ELMO2: variants seen among roughly 807,000 people sequenced by gnomAD.
ELMO2 encodes the protein engulfment and cell motility protein 2.
A neutral mutation model predicts 96.2 loss-of-function variants in ELMO2; 37 were observed. That is an observed-to-expected ratio of 0.38 (90% CI 0.30 to 0.51). ELMO2 has a LOEUF of 0.51. Among genes scored for constraint, ELMO2 ranks in the 20% least tolerant of loss-of-function variants. The pLI, the probability that ELMO2 is intolerant of heterozygous loss-of-function variation, is 0.88. For synonymous variants in ELMO2, 315 were observed against 329.4 expected (o/e 0.96, Z 0.47); for missense variants, 561 against 912.6 (o/e 0.61, Z 4.96).
intron 1 of ELMO2, among the ~76,000 whole-genome samples, chr20:46,399,753 A>G (rs2060305273): frequency 6.6e-6 from 1 of 152,012 alleles, no homozygotes; most frequent in Non-Finnish European, 1.5e-5. Flanking sequence ...GATTTCTTCC[A>G]CTCCTGTGAA....
chr20:46,382,409 C>T (rs560606600), intron 10 of ELMO2, among the ~76,000 whole-genome samples: 2 of 152,322 alleles, frequency 1.3e-5, no homozygotes, highest in East Asian at 3.9e-4. Context: ...CTACCAAGAG[C>T]TGGGTACATA....
In ELMO2 at chr20:46,371,882, G is replaced by C. The variant is rs1269026869; in HGVS notation, c.1504C>G (p.Leu502Val). 1.2e-6 allele frequency: 2 copies of C among 1,614,224 alleles called. No homozygotes were observed. The highest frequency in any genetic ancestry group is 1.7e-5 in the Admixed American group (1 of 60,028). Reference sequence around the variant, plus strand: ...AGTCGTAGAATCTCAGAGTAACTCAGGCTACGCAATTTGCTCTTGAACTGA... The same window carrying C: ...AGTCGTAGAATCTCAGAGTAACTCACGCTACGCAATTTGCTCTTGAACTGA... ...LDQFKSKLRSLSYSEILRLRQ... is the reference protein window; with the variant it reads ...LDQFKSKLRSVSYSEILRLRQ... The change falls in exon 17 of 22, where the codon CTG becomes GTG. Residue 502 changes from leucine (L) to valine (V), a missense_variant. Leu to Val is a conservative substitution (Grantham distance 32). Coordinates refer to ENST00000290246, the MANE Select transcript of ELMO2 (RefSeq NM_133171.5). The surrounding 1 kb of genome is among the most constrained non-coding windows in gnomAD (Gnocchi z 5.9).
At position 46,368,982 on chromosome 20, in the gene ELMO2, G is replaced by T. The variant is rs745491455; in HGVS notation, c.1885-14C>A. 1.5e-5 allele frequency: 24 copies of T among 1,613,670 alleles called. No individual in the cohort carries two copies. The highest frequency in any genetic ancestry group is 1.7e-5 in the Non-Finnish European group (20 of 1,179,746). On this transcript the variant is annotated splice_polypyrimidine_tract_variant and intron_variant, in intron 20 of 21. Transcript: ENST00000290246. ...TTCCAACACCTCCTGAAGGAGAAAG[G>T]GTTTAAATTAGAGCGATGGAACAGC...
At chr20:46,382,359 C>T (rs2059972520) in intron 10 of ELMO2, 1 of 923,346 alleles carries the variant, frequency 1.1e-6, no homozygotes, top group African/African-American at 1.7e-5. Flanking sequence ...AAGACAAGGA[C>T]AGACAGAACC....
At chr20:46,392,333 C>T (rs58063120) in intron 6 of ELMO2, among the ~76,000 whole-genome samples, 1 of 152,126 alleles carries the variant, frequency 6.6e-6, no homozygotes, top group Non-Finnish European at 1.5e-5. Context: ...TATCACCATA[C>T]TCATAAAGCT....
rs767551212 is a variant in ELMO2 at position 46,371,788 on chromosome 20, C to T, written c.1580+18G>A. Reference sequence around the variant, plus strand: ...GGCAGCCACCTCCCCCGCCAGCCTCCCCTGAGATGGAACTTACACAATTGG... The same window carrying T: ...GGCAGCCACCTCCCCCGCCAGCCTCTCCTGAGATGGAACTTACACAATTGG... On this transcript the variant is annotated intron_variant, in intron 17 of 21. Coordinates refer to ENST00000290246, the MANE Select transcript of ELMO2 (RefSeq NM_133171.5). The surrounding 1 kb of genome is among the most constrained non-coding windows in gnomAD (Gnocchi z 5.9). 2 of 1,614,016 alleles carry T rather than the reference C, an allele frequency of 1.2e-6. No homozygotes were observed. Among genetic ancestry groups the T allele is most frequent in the East Asian group, 2.2e-5 (1 of 44,884 alleles).
In ELMO2 at chr20:46,374,450, G is replaced by A. The variant is rs767181447; in HGVS notation, c.1171-10C>T. ...TGTTCTCCAAGACAATCTGTCGGGGGAAGAGAAAGGGAGGATTAGGGAGAT... is the reference window on the plus strand; with the variant it reads ...TGTTCTCCAAGACAATCTGTCGGGGAAAGAGAAAGGGAGGATTAGGGAGAT... On this transcript the variant is annotated splice_polypyrimidine_tract_variant and intron_variant, in intron 14 of 21. Transcript: ENST00000290246. 3 of 1,613,684 alleles carry A rather than the reference G, an allele frequency of 1.9e-6. No homozygotes were observed. Among genetic ancestry groups the A allele is most frequent in the East Asian group, 4.5e-5 (2 of 44,870 alleles).
At chr20:46,388,780 C>T (rs1020670076) in intron 7 of ELMO2, among the ~76,000 whole-genome samples, 1 of 152,130 alleles carries the variant, frequency 6.6e-6, no homozygotes, top group African/African-American at 2.4e-5. Flanking sequence ...CTTCTCTAGC[C>T]CCTATTTTCA....
At chr20:46,382,195 G>A (rs1015752024) in intron 10 of ELMO2, 1 of 1,289,748 alleles carries the variant, frequency 7.8e-7, no homozygotes, top group Non-Finnish European at 1.0e-6. Flanking sequence ...CCACATGGCA[G>A]TGCTACTTAC....
chr20:46,381,166 T>C (rs1474910603), intron 10 of ELMO2, among the ~76,000 whole-genome samples: 1 of 152,234 alleles, frequency 6.6e-6, no homozygotes, highest in Admixed American at 6.5e-5. Flanking sequence ...CCTGAGGAGC[T>C]ACTGAGATGT....
chr20:46,377,995 C>A (rs1020733561), intron 11 of ELMO2, among the ~76,000 whole-genome samples: 1 of 152,324 alleles, frequency 6.6e-6, no homozygotes, highest in African/African-American at 2.4e-5. Flanking sequence ...TCTCTACCTT[C>A]GTCTATCCTA....
chr20:46,394,167 G>A (rs1489968635), intron 3 of ELMO2, 78 bp from the exon 4 acceptor site: 5 of 1,343,964 alleles, frequency 3.7e-6, no homozygotes, highest in African/African-American at 1.4e-5. Flanking sequence ...GGCCTGCCAA[G>A]CAGGGTCAAG....
At chr20:46,388,794 C>T (rs1392343946) in intron 7 of ELMO2, among the ~76,000 whole-genome samples, 2 of 152,174 alleles carry the variant, frequency 1.3e-5, no homozygotes, top group African/African-American at 2.4e-5. Context: ...ATTTTCACTG[C>T]TCACTTGGCA....
chr20:46,392,840 C>T (rs191828043), intron 6 of ELMO2, among the ~76,000 whole-genome samples: 11 of 152,360 alleles, frequency 7.2e-5, no homozygotes, highest in Middle Eastern at 3.4e-3. Flanking sequence ...AGGTGGTCCC[C>T]TTTGTGAGTT....
Position 46,375,794 on chromosome 20 carries a change from G to C in ELMO2, c.808-4C>G. On this transcript the variant is annotated splice_region_variant and splice_polypyrimidine_tract_variant and intron_variant, in intron 11 of 21. Coordinates refer to ENST00000290246, the MANE Select transcript of ELMO2 (RefSeq NM_133171.5). The surrounding 1 kb of genome is among the most constrained non-coding windows in gnomAD (Gnocchi z 4.6). ...GGCGGTTCCCTCGGATCACATGCTA[G>C]AAAAAGCACAGGCAGGGAGCAGGGG... The C allele has an allele frequency of 6.2e-7, 1 of 1,614,158 alleles. No individual in the cohort carries two copies. Among genetic ancestry groups the C allele is most frequent in the African/African-American group, 1.3e-5 (1 of 75,052 alleles).
intron 9 of ELMO2, among the ~76,000 whole-genome samples, chr20:46,384,292 C>T (rs1056610158): frequency 5.9e-5 from 9 of 152,170 alleles, no homozygotes; most frequent in African/African-American, 2.2e-4. Context: ...TGGAATCTTA[C>T]AATCCTGGTA....
intron 1 of ELMO2, among the ~76,000 whole-genome samples, chr20:46,404,871 T>C (rs994436715): frequency 2.0e-5 from 3 of 152,256 alleles, no homozygotes; most frequent in Non-Finnish European, 4.4e-5. Context: ...TACTAGAAAA[T>C]TTAAAATTAT....
Position 46,374,655 on chromosome 20 carries a change from A to G in ELMO2, c.1066-15T>C. ...TTGATGTGGTTCTAGAGAAATAAAG[A>G]CACCCAATTTGAGATGCGGCAGTCT... On this transcript the variant is annotated splice_polypyrimidine_tract_variant and intron_variant, in intron 13 of 21. Coordinates refer to ENST00000290246, the MANE Select transcript of ELMO2 (RefSeq NM_133171.5). 6.2e-7 allele frequency: 1 copy of G among 1,612,804 alleles called. No homozygotes were observed. The highest frequency in any genetic ancestry group is 1.1e-5 in the South Asian group (1 of 91,042).
chr20:46,377,097 C>A (rs574126921), intron 11 of ELMO2: 1 of 254,336 alleles, frequency 3.9e-6, no homozygotes, highest in South Asian at 4.3e-5. Flanking sequence ...TCAGCTCTCC[C>A]TAGAGTTTGC....
Sources: gnomAD v4.1 joint callset for allele counts (sites outside exome capture counted in the v4.1 genomes callset) on GRCh38, gnomAD v4.1.1 for gene constraint, Gnocchi (gnomAD v3.1) non-coding constraint, MANE v1.5 for transcripts, NCBI Gene and HGNC (gene_info 2026-07-23, HGNC 2026-07-21) for gene names.